Variants in GABRB3 observed in about 807,000 individuals in gnomAD.
GABRB3 encodes gamma-aminobutyric acid receptor subunit beta-3.
GABRB3 carries 14 observed loss-of-function variants against 52.1 expected under a neutral mutation model. That is an observed-to-expected ratio of 0.27 (90% confidence interval 0.18 to 0.42). The LOEUF (loss-of-function observed/expected upper bound fraction) is 0.42, where lower values mean the gene tolerates loss of function less well. Ranked by LOEUF, GABRB3 falls within the 10% of genes least tolerant of loss-of-function variation. The probability of loss-of-function intolerance (pLI) is 1.00; values close to 1 mark genes in which losing one functional copy is unlikely to be tolerated. For missense variants in GABRB3, 307 were observed against 609.1 expected (o/e 0.50, Z 5.22); for synonymous variants, 260 against 232.3 (o/e 1.12, Z -1.08).
rs937731258 is a variant in GABRB3, at chr15:26,621,597, G to A, written c.241-63C>T. On this transcript the variant is annotated intron_variant, in intron 3 of 8. Transcript: ENST00000311550. This position sits in a 1 kb window ranked among gnomAD's most constrained non-coding sequence, Gnocchi z 4.1. Reference sequence around the variant, plus strand: ...CCAGCCACAGGTGTATTTCCTCCACGACCAGCCAAATTCAGGTTGCAATCT... The same window carrying A: ...CCAGCCACAGGTGTATTTCCTCCACAACCAGCCAAATTCAGGTTGCAATCT... The A allele has an allele frequency of 1.6e-5, 21 of 1,332,368 alleles. No homozygotes were observed. The highest frequency in any genetic ancestry group is 2.0e-4 in the Middle Eastern group (1 of 5,062). 82.5% of individuals were successfully genotyped at this position (1,332,368 alleles called of 1,614,324 possible).
chr15:26,573,206 C>T (rs1367387764), intron 6 of GABRB3, among the ~76,000 whole-genome samples: 1 of 152,172 alleles, frequency 6.6e-6, no homozygotes, highest in Non-Finnish European at 1.5e-5. Context: ...TGAGCTCTCA[C>T]TTAGAGCCGT....
intron 3 of GABRB3, among the ~76,000 whole-genome samples, chr15:26,690,319 C>A (rs553301462): frequency 3.5e-4 from 53 of 151,982 alleles, no homozygotes; most frequent in Admixed American, 2.9e-3. Context: ...CCTCAAGTGA[C>A]CCTCCCACCT....
intron 3 of GABRB3, among the ~76,000 whole-genome samples, chr15:26,649,906 G>C (rs1366533314): frequency 6.6e-6 from 1 of 152,026 alleles, no homozygotes; most frequent in Non-Finnish European, 1.5e-5. Context: ...CCTACAAAGG[G>C]GATATTTTAT....
chr15:26,697,048 G>A (rs1888763826), intron 3 of GABRB3, among the ~76,000 whole-genome samples: 1 of 152,156 alleles, frequency 6.6e-6, no homozygotes, highest in Non-Finnish European at 1.5e-5. Context: ...CAAACCCACA[G>A]AGTTGTTAAG....
chr15:26,581,964 T>C (rs937724325), intron 5 of GABRB3, among the ~76,000 whole-genome samples: 2 of 150,160 alleles, frequency 1.3e-5, no homozygotes, highest in African/African-American at 4.9e-5. Context: ...GTCCAGTAAG[T>C]ATTTGTTGGA....
chr15:26,678,972 G>T (rs977704541), intron 3 of GABRB3, among the ~76,000 whole-genome samples: 1 of 152,142 alleles, frequency 6.6e-6, no homozygotes, highest in Non-Finnish European at 1.5e-5. Flanking sequence ...GATAGCTCAA[G>T]GGAGGCTGTT....
chr15:26,644,380 T>A (rs954546025), intron 3 of GABRB3, among the ~76,000 whole-genome samples: 1 of 152,208 alleles, frequency 6.6e-6, no homozygotes. Context: ...TTGTCCCACA[T>A]GACTAATGTC....
At chr15:26,624,523 GCTCCGCGTCTTATTTTGGACTGTGTCGCT>G (rs1892612835) in intron 3 of GABRB3, 2 of 985,328 alleles carry the variant, frequency 2.0e-6, no homozygotes, top group South Asian at 9.4e-5. Flanking sequence ...GACAGCTCGG[GCTCCGCGTCTTATTTTGGACTGTGTCGCT>G]CTCCGCACCA....
chr15:26,680,495 T>C (rs1888205452), intron 3 of GABRB3, among the ~76,000 whole-genome samples: 1 of 152,226 alleles, frequency 6.6e-6, no homozygotes, highest in South Asian at 2.1e-4. Context: ...CTCTTCTTGG[T>C]GTAACAGTCA....
intron 3 of GABRB3, among the ~76,000 whole-genome samples, chr15:26,671,806 G>C (rs1887906569): frequency 6.6e-6 from 1 of 152,080 alleles, no homozygotes; most frequent in South Asian, 2.1e-4. Context: ...CAGTGCCACG[G>C]GGGGACAAGG....
At chr15:26,655,363 C>G (rs1887334155) in intron 3 of GABRB3, among the ~76,000 whole-genome samples, 1 of 152,134 alleles carries the variant, frequency 6.6e-6, no homozygotes, top group South Asian at 2.1e-4. Flanking sequence ...ACCTCCATAG[C>G]CATAAAGGCA....
chr15:26,604,322 G>A (rs1161602683), intron 4 of GABRB3, among the ~76,000 whole-genome samples: 2 of 152,118 alleles, frequency 1.3e-5, no homozygotes, highest in East Asian at 3.9e-4. Context: ...AATCATTATT[G>A]TTAAAATGTC....
At chr15:26,760,637 T>C (rs1026883123) in intron 3 of GABRB3, among the ~76,000 whole-genome samples, 1 of 152,118 alleles carries the variant, frequency 6.6e-6, no homozygotes, top group African/African-American at 2.4e-5. Flanking sequence ...GATTGAAAAG[T>C]GGTTCTCCAG....
In GABRB3 at chr15:26,621,243, C is replaced by A; in HGVS notation, c.461+71G>T. 1 of 1,142,184 alleles carries A rather than the reference C, an allele frequency of 8.8e-7. No individual in the cohort carries two copies. Among genetic ancestry groups the A allele is most frequent in the South Asian group, 1.2e-5 (1 of 81,460 alleles). 70.8% of individuals were successfully genotyped at this position (1,142,184 alleles called of 1,614,324 possible). On this transcript the variant is annotated intron_variant, in intron 4 of 8. Transcript: ENST00000311550. The surrounding 1 kb of genome is among the most constrained non-coding windows in gnomAD (Gnocchi z 4.1). ...AGGTCATTGCCTCACTTACAATAAT[C>A]ATCTCAAGTGAGATATTCAACACCC... is the stretch of plus-strand genomic sequence containing the variant.
chr15:26,596,164 G>A (rs1474892765), intron 4 of GABRB3, among the ~76,000 whole-genome samples: 3 of 152,078 alleles, frequency 2.0e-5, no homozygotes, highest in African/African-American at 7.2e-5. Context: ...GGCAAGATAA[G>A]GAGGGTGTTT....
chr15:26,583,316 A>G lies in GABRB3; in HGVS notation c.544+16T>C. ...TACAAATAGGAGGAGAAAGAAACAC[A>G]GATACGGATACACACAGCTTTCAAT... is the stretch of plus-strand genomic sequence containing the variant. On this transcript the variant is annotated intron_variant, in intron 5 of 8. Transcript: ENST00000311550. The G allele has an allele frequency of 6.3e-7, 1 of 1,596,642 alleles. No homozygotes were observed. The highest frequency in any genetic ancestry group is 8.6e-7 in the Non-Finnish European group (1 of 1,164,074).
rs1242463250 is a variant in GABRB3, at chr15:26,741,505, T to C, written c.240+30897A>G. Among the ~76,000 whole-genome samples the C allele has an allele frequency of 2.6e-5, 4 of 152,248 alleles. No individual in the cohort carries two copies. In the East Asian group the frequency reaches 7.7e-4, roughly 29 times the overall value. The stretch of plus-strand genomic sequence containing the variant: ...TAAACACATCACCCTTCTTGGTCAC[T>C]TCCGGTTTATATACATTTATTTCTA... On this transcript the variant is annotated intron_variant, in intron 3 of 8. Coordinates refer to ENST00000311550, the MANE Select transcript of GABRB3 (RefSeq NM_000814.6).
Position 26,685,814 on chromosome 15 carries a change from TTTG to T in GABRB3, c.241-64283_241-64281del, listed in dbSNP as rs1453846373. Among the ~76,000 whole-genome samples the T allele has an allele frequency of 2.6e-3, 399 of 151,200 alleles. 3 individuals carry two copies. The highest frequency in any genetic ancestry group is 9.2e-3 in the African/African-American group (378 of 41,192). On this transcript the variant is annotated intron_variant, in intron 3 of 8. Transcript: ENST00000311550. ...GTAAGATGGTCTTTTTTTTTTTTTT[TTTG>T]CCCTAGAGACGGGGTCTCACTCTGT...
chr15:26,600,671 G>C (rs1415815625), intron 4 of GABRB3, among the ~76,000 whole-genome samples: 1 of 152,118 alleles, frequency 6.6e-6, no homozygotes, highest in Non-Finnish European at 1.5e-5. Context: ...AGCTTTCCCA[G>C]ACAAACAAAT....
Sources: allele counts gnomAD v4.1 joint callset (sites outside exome capture counted in the v4.1 genomes callset), GRCh38; gene constraint gnomAD v4.1.1; non-coding constraint Gnocchi (gnomAD v3.1); transcripts MANE v1.5; gene names NCBI Gene and HGNC (gene_info 2026-07-23, HGNC 2026-07-21).